The following PSD3 variants were observed in gnomAD, a reference collection of about 807,000 sequenced individuals.
The protein encoded by PSD3 is pleckstrin and Sec7 domain containing 3, also known as PH and SEC7 domain-containing protein 3.
In PSD3, 49 loss-of-function variants were observed where a neutral mutation model predicts 105.5. That is an observed-to-expected ratio of 0.46 (90% confidence interval 0.37 to 0.59). PSD3 has a LOEUF of 0.59. PSD3 is among the 20% of genes least tolerant of loss of function. PSD3 has a pLI of 0.00. For synonymous variants in PSD3, 557 were observed against 457.8 expected (o/e 1.22, Z -2.77); for missense variants, 1,561 against 1,263.8 (o/e 1.24, Z -3.57).
intron 1 of PSD3, among the ~76,000 whole-genome samples, chr8:19,070,206 G>T (rs539966895): frequency 6.6e-6 from 1 of 151,922 alleles, no homozygotes; most frequent in Non-Finnish European, 1.5e-5. Context: ...ACAGAAAATT[G>T]TCCTGTAGAT....
At chr8:18,606,906 TA>T in intron 11 of PSD3, among the ~76,000 whole-genome samples, 1 of 152,354 alleles carries the variant, frequency 6.6e-6, no homozygotes, top group South Asian at 2.1e-4. Context: ...GTCTCTGTTT[TA>T]TATTTTATGC....
At chr8:19,017,653 T>A (rs1827219894), upstream of PSD3, among the ~76,000 whole-genome samples, 1 of 152,228 alleles carries the variant, frequency 6.6e-6, no homozygotes, top group Admixed American at 6.5e-5. Context: ...ATAAATGGAA[T>A]CATAAAATAT....
chr8:18,816,352 C>T (rs1171746171), intron 4 of PSD3, among the ~76,000 whole-genome samples: 1 of 152,136 alleles, frequency 6.6e-6, no homozygotes, highest in East Asian at 1.9e-4. Context: ...TTTGCCATGA[C>T]CATTCTGCCA....
chr8:18,571,991 G>A (rs929429364), intron 14 of PSD3, among the ~76,000 whole-genome samples: 1 of 152,196 alleles, frequency 6.6e-6, no homozygotes, highest in Non-Finnish European at 1.5e-5. Context: ...GGAGGCTTAT[G>A]TAAATACACT....
intron 4 of PSD3, among the ~76,000 whole-genome samples, chr8:18,816,674 T>C (rs1021427864): frequency 1.3e-5 from 2 of 152,322 alleles, no homozygotes; most frequent in South Asian, 2.1e-4. Context: ...TTGTGGACTT[T>C]TACCTTCTAA....
intron 4 of PSD3, among the ~76,000 whole-genome samples, chr8:18,805,359 T>C (rs1811110134): frequency 6.6e-6 from 1 of 152,198 alleles, no homozygotes. Flanking sequence ...TACAAGACAG[T>C]TGAATTCTAA....
intron 1 of PSD3, among the ~76,000 whole-genome samples, chr8:18,945,165 T>C (rs961993494): frequency 1.3e-5 from 2 of 152,190 alleles, no homozygotes; most frequent in Non-Finnish European, 2.9e-5. Flanking sequence ...TTCTAATCTC[T>C]GGAACCTGTG....
intron 12 of PSD3, among the ~76,000 whole-genome samples, chr8:18,592,508 C>T (rs1367922163): frequency 2.0e-5 from 3 of 152,120 alleles, no homozygotes; most frequent in African/African-American, 4.8e-5. Context: ...TTCGAGAAGC[C>T]TAATGACAAC....
rs75932411 is a variant in PSD3 at position 18,696,401 on chromosome 8, A to T, written c.2173-40716T>A. Among the ~76,000 whole-genome samples the T allele has an allele frequency of 2.5e-3, 379 of 152,348 alleles. 10 individuals are homozygous for T. In the East Asian group the frequency reaches 0.066, roughly 27 times the overall value. ...TAGAGGAAGTAGTTAACTTGTCTAA[A>T]GCTTTTCAGCTAAGACAGGAGCTTG... On this transcript the variant is annotated intron_variant, in intron 9 of 15. Coordinates refer to ENST00000327040, the MANE Select transcript of PSD3 (RefSeq NM_015310.4).
intron 15 of PSD3, among the ~76,000 whole-genome samples, chr8:18,553,848 C>T (rs1353750989): frequency 2.6e-5 from 4 of 152,106 alleles, no homozygotes; most frequent in African/African-American, 4.8e-5. Flanking sequence ...GCTATCCTCG[C>T]GCCTTTCTGA....
At chr8:18,726,920 G>A (rs1274996666) in intron 9 of PSD3, among the ~76,000 whole-genome samples, 1 of 152,192 alleles carries the variant, frequency 6.6e-6, no homozygotes, top group Non-Finnish European at 1.5e-5. Context: ...GGGTGCGGTG[G>A]CTCATGCCTG....
intron 1 of PSD3, among the ~76,000 whole-genome samples, chr8:19,059,688 T>C (rs771655554): frequency 3.3e-5 from 5 of 152,256 alleles, no homozygotes; most frequent in Non-Finnish European, 7.3e-5. Flanking sequence ...TTGAGACCTT[T>C]AATCATTCCC....
chr8:18,529,332 C>A lies in PSD3; in HGVS notation c.*6411G>T, dbSNP rs1799543696. ...ACATCTGTGATGCAGTTTCCACCCCCTCTGTTCATCACCTCTTTAGAATAT... is the reference window on the plus strand; with the variant it reads ...ACATCTGTGATGCAGTTTCCACCCCATCTGTTCATCACCTCTTTAGAATAT... On this transcript the variant is annotated 3_prime_UTR_variant, in exon 16 of 16. Transcript: ENST00000327040. The A allele has an allele frequency of 1.3e-5, 2 of 152,218 alleles. No individual in the cohort carries two copies. The highest frequency in any genetic ancestry group is 4.1e-4 in the South Asian group (2 of 4,836). The allele number at this position is 152,218 out of a possible 1,614,324, so 9.4% of individuals were successfully genotyped here.
At chr8:18,771,286 T>C (rs1436177131) in intron 8 of PSD3, among the ~76,000 whole-genome samples, 1 of 152,214 alleles carries the variant, frequency 6.6e-6, no homozygotes, top group Admixed American at 6.5e-5. Context: ...CAGCCCTCAC[T>C]GGGGACCCAT....
intron 9 of PSD3, among the ~76,000 whole-genome samples, chr8:18,761,611 C>G (rs1295277795): frequency 6.6e-6 from 1 of 152,172 alleles, no homozygotes; most frequent in Admixed American, 6.5e-5. Flanking sequence ...CGTACTGTCT[C>G]TCAAAACACA....
intron 14 of PSD3, among the ~76,000 whole-genome samples, chr8:18,567,505 T>A (rs937031202): frequency 3.3e-5 from 5 of 152,182 alleles, no homozygotes; most frequent in African/African-American, 9.6e-5. Context: ...AAAGTTGTAG[T>A]GTACTTATTA....
At chr8:18,898,009 G>T (rs79528595) in intron 2 of PSD3, among the ~76,000 whole-genome samples, 427 of 152,244 alleles carry the variant, frequency 2.8e-3, no homozygotes, top group African/African-American at 9.8e-3. Flanking sequence ...TTGTTCCAGA[G>T]CTAGAGGAAA....
At chr8:18,699,866 C>CA (rs67238769) in intron 9 of PSD3, among the ~76,000 whole-genome samples, 191 of 140,842 alleles carry the variant, frequency 1.4e-3, no homozygotes, top group South Asian at 1.8e-3. Context: ...GATCCCCACC[C>CA]AAAAAAAAAA....
At chr8:18,738,902 T>C (rs1585786428) in intron 9 of PSD3, among the ~76,000 whole-genome samples, 1 of 68 alleles carries the variant, frequency 0.015, no homozygotes, top group South Asian at 0.25. Flanking sequence ...ATTCTAGTCA[T>C]TTTTTTTGTT....
Sources: gnomAD v4.1 joint callset for allele counts (sites outside exome capture counted in the v4.1 genomes callset) on GRCh38, gnomAD v4.1.1 for gene constraint, MANE v1.5 for transcripts, NCBI Gene and HGNC (gene_info 2026-07-23, HGNC 2026-07-21) for gene names.